The following PCDH15 variants were observed in gnomAD, a reference collection of about 807,000 sequenced individuals.
The protein encoded by PCDH15 is protocadherin-15.
A neutral mutation model predicts 178.5 loss-of-function variants in PCDH15; 129 were observed. The observed-to-expected ratio is 0.72, with a 90% CI of 0.63 to 0.84. The LOEUF is 0.84. Ranked by LOEUF, PCDH15 falls within the 40% of genes least tolerant of loss-of-function variation. PCDH15 has a pLI of 0.00. For synonymous variants in PCDH15, 800 were observed against 732.0 expected (o/e 1.09, Z -1.50); for missense variants, 2,230 against 2,099.9 (o/e 1.06, Z -1.21).
chr10:55,450,339 C>T (rs756675154), intron 2 of PCDH15, among the ~76,000 whole-genome samples: 1 of 152,176 alleles, frequency 6.6e-6, no homozygotes. Flanking sequence ...ATGAGAGGCA[C>T]TGTCACTTTG....
intron 2 of PCDH15, among the ~76,000 whole-genome samples, chr10:54,932,246 A>C (rs548303475): frequency 6.6e-6 from 1 of 152,312 alleles, no homozygotes; most frequent in East Asian, 1.9e-4. Context: ...TGCCCATGAA[A>C]ACTTTCTAGT....
chr10:54,755,623 G>A (rs1008027106), intron 1 of PCDH15, among the ~76,000 whole-genome samples: 1 of 152,004 alleles, frequency 6.6e-6, no homozygotes, highest in Admixed American at 6.6e-5. Context: ...AAAGATACTA[G>A]AGATCTTTAT....
intron 13 of PCDH15, among the ~76,000 whole-genome samples, chr10:54,160,595 C>T (rs1244805850): frequency 1.3e-5 from 2 of 152,012 alleles, no homozygotes; most frequent in African/African-American, 4.8e-5. Flanking sequence ...CTACCAAAAA[C>T]ATAAGAACAT....
intron 2 of PCDH15, among the ~76,000 whole-genome samples, chr10:55,093,388 GATA>G (rs1842364824): frequency 1.3e-5 from 2 of 151,918 alleles, no homozygotes; most frequent in South Asian, 4.1e-4. Context: ...TAGCATTCTG[GATA>G]TTAGCCCTTT....
At chr10:54,497,153 G>A (rs1034695677) in intron 3 of PCDH15, among the ~76,000 whole-genome samples, 1 of 151,752 alleles carries the variant, frequency 6.6e-6, no homozygotes, top group Admixed American at 6.6e-5. Flanking sequence ...CAGGGTTAGA[G>A]CAGGAAGCCC....
At chr10:55,582,656 AC>A (rs1842647741) in intron 2 of PCDH15, among the ~76,000 whole-genome samples, 1 of 127,060 alleles carries the variant, frequency 7.9e-6, no homozygotes, top group African/African-American at 3.3e-5. Context: ...TATTTGATGA[AC>A]CTAGCCTTAA....
At chr10:55,426,561 C>G (rs1444636824) in intron 2 of PCDH15, among the ~76,000 whole-genome samples, 1 of 152,080 alleles carries the variant, frequency 6.6e-6, no homozygotes, top group Admixed American at 6.5e-5. Context: ...TTAGCTCGGC[C>G]GTCCATGGAT....
intron 2 of PCDH15, among the ~76,000 whole-genome samples, chr10:55,373,458 C>T (rs1192824549): frequency 6.6e-6 from 1 of 151,844 alleles, no homozygotes; most frequent in Non-Finnish European, 1.5e-5. Flanking sequence ...GCAGCATTTC[C>T]AAGTAATTAC....
At chr10:54,230,421 CTG>C (rs1393639697) in intron 9 of PCDH15, among the ~76,000 whole-genome samples, 3 of 151,802 alleles carry the variant, frequency 2.0e-5, no homozygotes, top group African/African-American at 4.9e-5. Context: ...TCTCTGATAA[CTG>C]TGAAATATGA....
chr10:54,233,833 C>T (rs2054327807), intron 9 of PCDH15, among the ~76,000 whole-genome samples: 2 of 152,150 alleles, frequency 1.3e-5, no homozygotes, highest in Admixed American at 1.3e-4. Flanking sequence ...CATTATCTAG[C>T]TTTTCCTTTA....
chr10:55,238,725 T>A (rs951442078), intron 1 of PCDH15, among the ~76,000 whole-genome samples: 1 of 152,002 alleles, frequency 6.6e-6, no homozygotes, highest in Admixed American at 6.5e-5. Flanking sequence ...TTATATATAT[T>A]TTTAATTTTT....
chr10:55,395,247 G>A (rs1214534537), intron 2 of PCDH15, among the ~76,000 whole-genome samples: 1 of 148,906 alleles, frequency 6.7e-6, no homozygotes, highest in Admixed American at 6.7e-5. Context: ...GACTACGTAC[G>A]TTTTAATGTG....
chr10:55,317,863 C>A (rs1190987329), intron 1 of PCDH15, among the ~76,000 whole-genome samples: 2 of 152,088 alleles, frequency 1.3e-5, no homozygotes, highest in Non-Finnish European at 2.9e-5. Flanking sequence ...TGGAAAGGCA[C>A]CTTCTAGATC....
intron 18 of PCDH15, among the ~76,000 whole-genome samples, chr10:54,062,250 A>AC (rs2094040197): frequency 1.8e-5 from 2 of 109,984 alleles, no homozygotes; most frequent in East Asian, 5.3e-4. Context: ...AAAAAAAAAA[A>AC]AACAAAAAAC....
chr10:54,079,445 C>T, intron 16 of PCDH15, 21 bp from the exon 17 acceptor site: 1 of 1,590,760 alleles, frequency 6.3e-7, no homozygotes, highest in Non-Finnish European at 8.6e-7. Flanking sequence ...AACAAACAAA[C>T]AAATAAGACA....
At chr10:54,808,138 A>G (rs553362796) in intron 3 of PCDH15, among the ~76,000 whole-genome samples, 179 of 152,212 alleles carry the variant, frequency 1.2e-3, no homozygotes, top group African/African-American at 4.2e-3. Flanking sequence ...ACCGAGACTG[A>G]TATTATATTA....
chr10:54,306,040 A>AG (rs753123476), intron 8 of PCDH15, among the ~76,000 whole-genome samples: 2 of 152,010 alleles, frequency 1.3e-5, no homozygotes, highest in African/African-American at 2.4e-5. Context: ...CATAGCACTG[A>AG]AGCATGGAAG....
rs181319471 is a variant in PCDH15 at position 54,415,362 on chromosome 10, A to C, written c.158-36420T>G. ...TGGATGTTCCAAGAAAAATTGAAGA[A>C]ATTTTTAAAAATAGTCAATAGTTTA... On this transcript the variant is annotated intron_variant, in intron 3 of 37. Coordinates refer to ENST00000644397, the MANE Select transcript of PCDH15 (RefSeq NM_001384140.1). Among the ~76,000 whole-genome samples the C allele has an allele frequency of 1.1e-3, 161 of 152,158 alleles. 1 individual carries two copies. Among genetic ancestry groups the C allele is most frequent in the Admixed American group, 0.01 (153 of 15,270 alleles).
intron 1 of PCDH15, among the ~76,000 whole-genome samples, chr10:54,688,056 A>T (rs1026653389): frequency 7.3e-5 from 11 of 151,456 alleles, no homozygotes; most frequent in South Asian, 2.1e-4. Context: ...AAATAAAATT[A>T]AAAAAATTTA....
Sources: allele counts gnomAD v4.1 joint callset (sites outside exome capture counted in the v4.1 genomes callset), GRCh38; gene constraint gnomAD v4.1.1; transcripts MANE v1.5; gene names NCBI Gene and HGNC (gene_info 2026-07-23, HGNC 2026-07-21).